The following TMEM163 variants were observed in gnomAD, a reference collection of about 807,000 sequenced individuals.
TMEM163 encodes transmembrane protein 163.
TMEM163 carries 17 observed loss-of-function variants against 29.3 expected under a neutral mutation model. That is an observed-to-expected ratio of 0.58 (90% CI 0.40 to 0.87). The LOEUF is 0.87. Among genes scored for constraint, TMEM163 ranks in the 40% least tolerant of loss-of-function variants. The pLI is 0.00. For missense variants in TMEM163, 303 were observed against 381.5 expected (o/e 0.79, Z 1.71); for synonymous variants, 157 against 160.6 (o/e 0.98, Z 0.17).
At chr2:134,635,726 C>G (rs1052858516) in intron 2 of TMEM163, among the ~76,000 whole-genome samples, 1 of 152,080 alleles carries the variant, frequency 6.6e-6, no homozygotes, top group African/African-American at 2.4e-5. Context: ...CTTCAGAGAG[C>G]AGAGGGTGAG....
rs1686384316 is a variant in TMEM163 at position 134,456,157 on chromosome 2, GA to G, written c.*558del. On this transcript the variant is annotated 3_prime_UTR_variant, in exon 8 of 8. Coordinates refer to ENST00000281924, the MANE Select transcript of TMEM163 (RefSeq NM_030923.5). ...GTATCACTAAGTACTTTAAAAAATAGAATGGTCTCCTTTTGAGCAAATCTGT... is the reference window on the plus strand; with the variant it reads ...GTATCACTAAGTACTTTAAAAAATAGATGGTCTCCTTTTGAGCAAATCTGT... 6.5e-6 allele frequency: 1 copy of G among 153,278 alleles called. No individual in the cohort carries two copies. The highest frequency in any genetic ancestry group is 1.5e-5 in the Non-Finnish European group (1 of 68,550). The allele number at this position is 153,278 out of a possible 1,614,324, so 9.5% of individuals were successfully genotyped here. A position where few individuals can be genotyped will look rare whatever the true frequency, so the allele number is the denominator to read the frequency against.
chr2:134,700,448 C>T (rs936853582), intron 2 of TMEM163, among the ~76,000 whole-genome samples: 1 of 152,194 alleles, frequency 6.6e-6, no homozygotes, highest in African/African-American at 2.4e-5. Context: ...GAGTTCGATT[C>T]TCTAGTTATT....
chr2:134,680,299 A>G (rs1235742277), intron 2 of TMEM163, among the ~76,000 whole-genome samples: 1 of 152,146 alleles, frequency 6.6e-6, no homozygotes, highest in Non-Finnish European at 1.5e-5. Context: ...CAAGGGATAG[A>G]TAAAAGGATT....
chr2:134,457,761 A>T (rs530875975), intron 7 of TMEM163, among the ~76,000 whole-genome samples: 1 of 152,344 alleles, frequency 6.6e-6, no homozygotes, highest in South Asian at 2.1e-4. Flanking sequence ...CAGGACACGA[A>T]GGGTCCTAAA....
intron 2 of TMEM163, among the ~76,000 whole-genome samples, chr2:134,701,175 G>T (rs945495165): frequency 6.6e-6 from 1 of 151,424 alleles, no homozygotes; most frequent in Non-Finnish European, 1.5e-5. Flanking sequence ...ATATAAAAAA[G>T]TAAAACCATA....
chr2:134,456,629 G>C lies in TMEM163; in HGVS notation c.*87C>G. The C allele has an allele frequency of 6.7e-7, 1 of 1,496,304 alleles. No individual in the cohort carries two copies. Among genetic ancestry groups the C allele is most frequent in the Non-Finnish European group, 9.2e-7 (1 of 1,087,046 alleles). The allele number at this position is 1,496,304 out of a possible 1,614,324, so 92.7% of individuals were successfully genotyped here. A position where few individuals can be genotyped will look rare whatever the true frequency, so the allele number is the denominator to read the frequency against. ...CCATGTGAAAGAAAACTTCCAAAAA[G>C]AAACCAGATGTTCAGTTAAATATTG... On this transcript the variant is annotated 3_prime_UTR_variant, in exon 8 of 8. Transcript: ENST00000281924.
At chr2:134,598,719 C>T (rs990883773) in intron 2 of TMEM163, among the ~76,000 whole-genome samples, 1 of 152,100 alleles carries the variant, frequency 6.6e-6, no homozygotes, top group Non-Finnish European at 1.5e-5. Context: ...GAGTTCGAGA[C>T]CAGCCTGGCC....
At chr2:134,480,988 G>A (rs781577888) in intron 5 of TMEM163, among the ~76,000 whole-genome samples, 4 of 152,056 alleles carry the variant, frequency 2.6e-5, no homozygotes, top group East Asian at 1.9e-4. Context: ...GTTCCTTCAC[G>A]TCCCTTTCTC....
chr2:134,456,698 T>A lies in TMEM163; in HGVS notation c.*18A>T, dbSNP rs1208039041. The A allele has an allele frequency of 6.2e-7, 1 of 1,613,780 alleles. No homozygotes were observed. The highest frequency in any genetic ancestry group is 1.3e-5 in the African/African-American group (1 of 74,882). On this transcript the variant is annotated 3_prime_UTR_variant, in exon 8 of 8. Transcript: ENST00000281924. ...GAAACTCCTCATCTCGATGGTCTCA[T>A]GCGGATGCTGGCCCCCTTCACTCAA...
intron 2 of TMEM163, among the ~76,000 whole-genome samples, chr2:134,645,845 A>C (rs531725784): frequency 6.6e-5 from 10 of 152,304 alleles, no homozygotes; most frequent in African/African-American, 2.4e-4. Flanking sequence ...TTTGGGGGAT[A>C]ATGAAATTGT....
At position 134,456,594 on chromosome 2, in the gene TMEM163, T is replaced by A; in HGVS notation, c.*122A>T. The A allele has an allele frequency of 8.2e-7, 1 of 1,222,742 alleles. No homozygotes were observed. The highest frequency in any genetic ancestry group is 1.2e-6 in the Non-Finnish European group (1 of 856,394). The allele number at this position is 1,222,742 out of a possible 1,614,324, so 75.7% of individuals were successfully genotyped here. A position where few individuals can be genotyped will look rare whatever the true frequency, so the allele number is the denominator to read the frequency against. On this transcript the variant is annotated 3_prime_UTR_variant, in exon 8 of 8. Transcript: ENST00000281924. ...ACCTGGCTGGGCAGACCTTGTCTTG[T>A]AATGACAAACCATGTGAAAGAAAAC...
intron 6 of TMEM163, chr2:134,458,678 G>A (rs922507906): frequency 1.3e-5 from 2 of 155,924 alleles, no homozygotes; most frequent in African/African-American, 4.8e-5. Context: ...GCTTTCCGAT[G>A]AGAAAACTAA....
At chr2:134,611,312 T>C (rs1682499925) in intron 2 of TMEM163, among the ~76,000 whole-genome samples, 1 of 152,012 alleles carries the variant, frequency 6.6e-6, no homozygotes, top group Non-Finnish European at 1.5e-5. Flanking sequence ...GGATGCAAAA[T>C]TAGTAAAACA....
At chr2:134,528,337 T>C (rs2106497923) in intron 4 of TMEM163, among the ~76,000 whole-genome samples, 2 of 152,328 alleles carry the variant, frequency 1.3e-5, no homozygotes, top group Non-Finnish European at 2.9e-5. Flanking sequence ...TGAAAAACAT[T>C]TTGTTCAGCT....
intron 2 of TMEM163, among the ~76,000 whole-genome samples, chr2:134,629,654 C>A (rs1682927209): frequency 6.6e-6 from 1 of 152,188 alleles, no homozygotes; most frequent in South Asian, 2.1e-4. Flanking sequence ...TGCCCAAACT[C>A]TAGGCTACTT....
At chr2:134,679,796 G>A (rs143577880) in intron 2 of TMEM163, among the ~76,000 whole-genome samples, 9 of 152,208 alleles carry the variant, frequency 5.9e-5, no homozygotes, top group Admixed American at 1.3e-4. Context: ...GACCTTCGTC[G>A]CCAGCTCCCA....
intron 5 of TMEM163, among the ~76,000 whole-genome samples, chr2:134,498,987 C>G (rs572051415): frequency 6.6e-6 from 1 of 152,238 alleles, no homozygotes; most frequent in Non-Finnish European, 1.5e-5. Flanking sequence ...CTTCAGCTTT[C>G]AGAGCCCCTG....
chr2:134,458,610 G>A (rs150036946), intron 6 of TMEM163: 15 of 176,228 alleles, frequency 8.5e-5, no homozygotes, highest in Admixed American at 2.7e-4. Context: ...TGTTCAGGAC[G>A]TGTGGTTACC....
chr2:134,497,378 C>T (rs1679593787), intron 5 of TMEM163, among the ~76,000 whole-genome samples: 1 of 152,108 alleles, frequency 6.6e-6, no homozygotes, highest in Non-Finnish European at 1.5e-5. Flanking sequence ...CAACATGTGG[C>T]TGTTTATTAT....
Sources: gnomAD v4.1 joint callset for allele counts (sites outside exome capture counted in the v4.1 genomes callset) on GRCh38, gnomAD v4.1.1 for gene constraint, MANE v1.5 for transcripts, NCBI Gene and HGNC (gene_info 2026-07-23, HGNC 2026-07-21) for gene names.